Variants in CSMD1 observed in about 807,000 individuals in gnomAD.
The protein encoded by CSMD1 is CUB and sushi domain-containing protein 1.
CSMD1 carries 213 observed loss-of-function variants against 417.5 expected under a neutral mutation model. That is an observed-to-expected ratio of 0.51 (90% CI 0.46 to 0.57). The LOEUF (loss-of-function observed/expected upper bound fraction) is 0.57. CSMD1 is among the 20% of genes least tolerant of loss of function. The pLI is 0.00. For missense variants in CSMD1, 6,923 were observed against 4,529.7 expected, an observed-to-expected ratio of 1.53 and a Z score of -15.17; for synonymous variants, 2,862 against 1,736.8, an observed-to-expected ratio of 1.65 and a Z score of -16.11.
intron 12 of CSMD1, among the ~76,000 whole-genome samples, chr8:3,437,432 G>T (rs556835396): frequency 2.6e-5 from 4 of 152,080 alleles, no homozygotes; most frequent in Non-Finnish European, 5.9e-5. Context: ...GAATTAAATG[G>T]GCTGTGTAAT....
At chr8:4,570,176 T>C (rs1798815593) in intron 2 of CSMD1, among the ~76,000 whole-genome samples, 1 of 152,188 alleles carries the variant, frequency 6.6e-6, no homozygotes, top group African/African-American at 2.4e-5. Flanking sequence ...CAACACTACG[T>C]TGAATAGCAG....
intron 2 of CSMD1, among the ~76,000 whole-genome samples, chr8:4,634,865 G>A (rs924224420): frequency 3.9e-5 from 6 of 152,034 alleles, no homozygotes; most frequent in African/African-American, 1.4e-4. Flanking sequence ...TTCACCTTTT[G>A]TAATAGTAGA....
intron 52 of CSMD1, among the ~76,000 whole-genome samples, chr8:3,014,371 T>C (rs770540183): frequency 1.3e-5 from 2 of 152,220 alleles, no homozygotes; most frequent in African/African-American, 4.8e-5. Context: ...CTATATATCA[T>C]CAAGTCAATT....
intron 10 of CSMD1, among the ~76,000 whole-genome samples, chr8:3,560,693 T>A (rs563078086): frequency 2.6e-5 from 4 of 152,202 alleles, no homozygotes; most frequent in Non-Finnish European, 5.9e-5. Context: ...CATGAATTTC[T>A]CTCAGGGTAC....
chr8:4,820,434 T>C (rs578024396), intron 1 of CSMD1, among the ~76,000 whole-genome samples: 53 of 152,230 alleles, frequency 3.5e-4, no homozygotes, highest in African/African-American at 1.2e-3. Flanking sequence ...CAAGATTAAA[T>C]AGTAGCCATT....
chr8:4,708,694 G>T (rs112411967), intron 1 of CSMD1, among the ~76,000 whole-genome samples: 2 of 151,822 alleles, frequency 1.3e-5, no homozygotes, highest in African/African-American at 2.4e-5. Context: ...TTAAGAGAAA[G>T]ATTTCCCAAC....
chr8:4,831,149 GT>G (rs1196726400), intron 1 of CSMD1, among the ~76,000 whole-genome samples: 1 of 152,136 alleles, frequency 6.6e-6, no homozygotes, highest in Non-Finnish European at 1.5e-5. Context: ...TAAATCATCC[GT>G]TATTCAATGG....
At chr8:3,013,946 G>A (rs549113493) in intron 52 of CSMD1, among the ~76,000 whole-genome samples, 1 of 152,084 alleles carries the variant, frequency 6.6e-6, no homozygotes, top group Non-Finnish European at 1.5e-5. Flanking sequence ...TTGCATGGCA[G>A]CACTTGTCAC....
chr8:3,599,190 G>A (rs113009904), intron 8 of CSMD1, among the ~76,000 whole-genome samples: 4 of 149,114 alleles, frequency 2.7e-5, no homozygotes, highest in Non-Finnish European at 4.4e-5. Flanking sequence ...TGAGATGAGG[G>A]ATACTGTATA....
intron 9 of CSMD1, among the ~76,000 whole-genome samples, chr8:3,585,167 G>A (rs1196374810): frequency 6.6e-6 from 1 of 152,048 alleles, no homozygotes; most frequent in East Asian, 1.9e-4. Flanking sequence ...CAGTAAATGG[G>A]GCCAAAGAGT....
At chr8:4,946,227 G>C (rs1402751868) in intron 1 of CSMD1, among the ~76,000 whole-genome samples, 2 of 152,204 alleles carry the variant, frequency 1.3e-5, no homozygotes, top group African/African-American at 4.8e-5. Context: ...CTAAATCCCT[G>C]TCTTGTTACG....
chr8:3,886,741 A>C (rs1230091928), intron 5 of CSMD1, among the ~76,000 whole-genome samples: 1 of 152,212 alleles, frequency 6.6e-6, no homozygotes, highest in Non-Finnish European at 1.5e-5. Flanking sequence ...GGCTGTCATC[A>C]GCCCTATTCT....
intron 7 of CSMD1, among the ~76,000 whole-genome samples, chr8:3,695,087 CGTGTGTGT>C (rs1276176981): frequency 3.4e-5 from 5 of 145,594 alleles, no homozygotes; most frequent in South Asian, 2.3e-4. Context: ...GGAGGCCCTG[CGTGTGTGT>C]GTGTGTGTGT....
chr8:3,910,234 G>A, intron 5 of CSMD1, among the ~76,000 whole-genome samples: 1 of 152,156 alleles, frequency 6.6e-6, no homozygotes. Context: ...GAATTGTGGG[G>A]TGGGGAGGAA....
At chr8:2,991,204 C>T (rs1461402663) in intron 54 of CSMD1, among the ~76,000 whole-genome samples, 1 of 152,140 alleles carries the variant, frequency 6.6e-6, no homozygotes, top group African/African-American at 2.4e-5. Flanking sequence ...CATTAAGACA[C>T]TCAATGTTCT....
At chr8:4,509,614 C>G (rs1802710257) in intron 2 of CSMD1, among the ~76,000 whole-genome samples, 1 of 152,134 alleles carries the variant, frequency 6.6e-6, no homozygotes, top group Non-Finnish European at 1.5e-5. Flanking sequence ...CCAAGTCACC[C>G]TGCAGACCAT....
At chr8:4,610,712 A>C (rs917245754) in intron 2 of CSMD1, among the ~76,000 whole-genome samples, 3 of 152,216 alleles carry the variant, frequency 2.0e-5, no homozygotes, top group African/African-American at 7.2e-5. Context: ...TTATGGTTGT[A>C]ACAGCTTTGC....
intron 3 of CSMD1, among the ~76,000 whole-genome samples, chr8:4,218,914 T>A (rs1007292593): frequency 6.6e-5 from 10 of 152,224 alleles, no homozygotes; most frequent in Admixed American, 2.0e-4. Flanking sequence ...CCATTTTGGA[T>A]CTGAACCCTT....
At chr8:4,457,027 C>T (rs528231711) in intron 2 of CSMD1, among the ~76,000 whole-genome samples, 6 of 149,372 alleles carry the variant, frequency 4.0e-5, no homozygotes, top group Admixed American at 6.7e-5. Flanking sequence ...CAATGTTAAT[C>T]GCTGATTCCT....
Sources: allele counts gnomAD v4.1 joint callset (sites outside exome capture counted in the v4.1 genomes callset), GRCh38; gene constraint gnomAD v4.1.1; transcripts MANE v1.5; gene names NCBI Gene and HGNC (gene_info 2026-07-23, HGNC 2026-07-21).